Variants in CA10 observed in about 807,000 individuals in gnomAD.
CA10 encodes carbonic anhydrase 10 (inactive), also known as carbonic anhydrase-related protein 10.
CA10 carries 14 observed loss-of-function variants against 44.2 expected under a neutral mutation model. The ratio of observed to expected loss-of-function variants is 0.32; its 90% CI spans 0.21 to 0.50. The LOEUF (loss-of-function observed/expected upper bound fraction) is 0.50, where lower values mean the gene tolerates loss of function less well. Among genes scored for constraint, CA10 ranks in the 20% least tolerant of loss-of-function variants. The pLI is 0.99. For synonymous variants in CA10, 159 were observed against 141.6 expected, an observed-to-expected ratio of 1.12 and a Z score of -0.87; for missense variants, 350 against 409.7, an observed-to-expected ratio of 0.85 and a Z score of 1.26.
At chr17:52,128,452 C>T (rs1210953683) in intron 1 of CA10, among the ~76,000 whole-genome samples, 4 of 152,184 alleles carry the variant, frequency 2.6e-5, no homozygotes, top group African/African-American at 4.8e-5. Flanking sequence ...TGTCCCCCTG[C>T]TGAATCTGAC....
chr17:51,717,826 T>C (rs78591571), intron 4 of CA10, among the ~76,000 whole-genome samples: 2 of 19,358 alleles, frequency 1.0e-4, no homozygotes, highest in African/African-American at 3.4e-4. Context: ...TATATATGTG[T>C]GTGTATATAT....
intron 2 of CA10, among the ~76,000 whole-genome samples, chr17:52,001,278 A>T (rs534366650): frequency 1.3e-5 from 2 of 152,000 alleles, no homozygotes; most frequent in South Asian, 2.1e-4. Context: ...AATCTTCACT[A>T]TCTGGTCTTT....
intron 2 of CA10, among the ~76,000 whole-genome samples, chr17:52,043,080 T>C (rs1365207126): frequency 6.6e-6 from 1 of 151,976 alleles, no homozygotes; most frequent in Non-Finnish European, 1.5e-5. Flanking sequence ...TATTCAGAGC[T>C]GTTTGTGGTT....
chr17:51,674,378 A>T (rs529232573), intron 4 of CA10, among the ~76,000 whole-genome samples: 1 of 152,300 alleles, frequency 6.6e-6, no homozygotes, highest in East Asian at 1.9e-4. Flanking sequence ...AAACCCTTGA[A>T]CAAGCACTTT....
chr17:51,822,445 CAAAA>C (rs566115385), intron 3 of CA10, among the ~76,000 whole-genome samples: 1 of 149,446 alleles, frequency 6.7e-6, no homozygotes, highest in Non-Finnish European at 1.5e-5. Context: ...AAAACAAAAA[CAAAA>C]AAACAAACAA....
chr17:51,798,205 T>C (rs1906790408), intron 3 of CA10, among the ~76,000 whole-genome samples: 1 of 152,250 alleles, frequency 6.6e-6, no homozygotes, highest in African/African-American at 2.4e-5. Context: ...AGCACATTTA[T>C]TGATCAAAAA....
chr17:52,051,111 G>GAA (rs1555561931), intron 2 of CA10, among the ~76,000 whole-genome samples: 8 of 146,998 alleles, frequency 5.4e-5, no homozygotes, highest in Admixed American at 2.1e-4. Flanking sequence ...AAGGAAGGAA[G>GAA]AAGAAAAGAA....
chr17:51,905,793 C>T (rs563553671), intron 3 of CA10, among the ~76,000 whole-genome samples: 150 of 152,078 alleles, frequency 9.9e-4, no homozygotes, highest in Non-Finnish European at 1.9e-3. Context: ...TTATTATCTG[C>T]CTTCCCCATC....
chr17:51,870,524 C>A (rs930297578), intron 3 of CA10, among the ~76,000 whole-genome samples: 5 of 152,116 alleles, frequency 3.3e-5, no homozygotes, highest in African/African-American at 1.2e-4. Flanking sequence ...TAAAACAGTC[C>A]ATAAAAGCTA....
chr17:51,697,583 T>A (rs1275716674), intron 4 of CA10, among the ~76,000 whole-genome samples: 1 of 152,196 alleles, frequency 6.6e-6, no homozygotes, highest in Non-Finnish European at 1.5e-5. Flanking sequence ...AGTTAACATC[T>A]CCTTGTAGAT....
chr17:51,878,143 CAAAAAAAAAAAA>C (rs558014863), intron 3 of CA10, among the ~76,000 whole-genome samples: 2 of 63,688 alleles, frequency 3.1e-5, no homozygotes, highest in South Asian at 9.0e-4. Flanking sequence ...GACTCCGTCT[CAAAAAAAAAAAA>C]AAAAAAAAAA....
At chr17:51,882,038 A>C (rs1479149013) in intron 3 of CA10, among the ~76,000 whole-genome samples, 1 of 151,632 alleles carries the variant, frequency 6.6e-6, no homozygotes, top group African/African-American at 2.4e-5. Flanking sequence ...CCCACAGTTG[A>C]ATATTGTGGA....
intron 3 of CA10, among the ~76,000 whole-genome samples, chr17:51,792,898 C>A (rs1035900757): frequency 6.6e-6 from 1 of 152,184 alleles, no homozygotes; most frequent in Non-Finnish European, 1.5e-5. Context: ...TATATTATTG[C>A]CTGCATTTCA....
At chr17:51,717,949 T>C (rs1394826061) in intron 4 of CA10, among the ~76,000 whole-genome samples, 1 of 145,852 alleles carries the variant, frequency 6.9e-6, no homozygotes, top group Non-Finnish European at 1.5e-5. Flanking sequence ...AGACTATTAT[T>C]TTAAGTGAAG....
chr17:51,751,601 C>A (rs1904892665), intron 3 of CA10, among the ~76,000 whole-genome samples: 1 of 152,172 alleles, frequency 6.6e-6, no homozygotes, highest in Non-Finnish European at 1.5e-5. Context: ...TCTTTCTTCC[C>A]CATGTCTTCC....
chr17:51,778,090 C>CAAG (rs1209525546), intron 3 of CA10, among the ~76,000 whole-genome samples: 4 of 152,170 alleles, frequency 2.6e-5, no homozygotes, highest in Admixed American at 6.5e-5. Context: ...GTCCAAGTAC[C>CAAG]TTTTGTTGAC....
chr17:51,812,039 AAT>A (rs1907385941), intron 3 of CA10, among the ~76,000 whole-genome samples: 1 of 152,174 alleles, frequency 6.6e-6, no homozygotes, highest in Non-Finnish European at 1.5e-5. Context: ...TAGAAACAGC[AAT>A]ACACTCAACC....
chr17:51,862,772 TTGTG>T (rs1979370999), intron 3 of CA10, among the ~76,000 whole-genome samples: 2 of 152,038 alleles, frequency 1.3e-5, no homozygotes, highest in African/African-American at 4.8e-5. Context: ...CTCTGTGTGT[TTGTG>T]TGTATGTGTA....
chr17:52,123,916 C>T (rs1989065462), intron 1 of CA10, among the ~76,000 whole-genome samples: 1 of 151,950 alleles, frequency 6.6e-6, no homozygotes, highest in South Asian at 2.1e-4. Context: ...CCCTTGGGAC[C>T]CTGTTTAAAA....
Sources: allele counts gnomAD v4.1 joint callset (sites outside exome capture counted in the v4.1 genomes callset), GRCh38; gene constraint gnomAD v4.1.1; transcripts MANE v1.5; gene names NCBI Gene and HGNC (gene_info 2026-07-23, HGNC 2026-07-21).